Variants in SUGCT observed in about 807,000 individuals in gnomAD.
SUGCT encodes succinyl-CoA:glutarate CoA-transferase.
SUGCT carries 41 observed loss-of-function variants against 55.0 expected under a neutral mutation model. That is an observed-to-expected ratio of 0.74 (90% confidence interval 0.58 to 0.97). The LOEUF is 0.97. Ranked by LOEUF, SUGCT falls within the 50% of genes least tolerant of loss-of-function variation. SUGCT has a pLI of 0.00. For synonymous variants in SUGCT, 187 were observed against 200.4 expected (o/e 0.93, Z 0.56); for missense variants, 568 against 547.8 (o/e 1.04, Z -0.37).
At chr7:41,013,917 C>T in the SUGCT span, among the ~76,000 whole-genome samples, 1 of 152,080 alleles carries the variant, frequency 6.6e-6, no homozygotes, top group South Asian at 2.1e-4. Flanking sequence ...ATTTGGGGAA[C>T]CATAACCCAA....
intron 11 of SUGCT, among the ~76,000 whole-genome samples, chr7:40,459,742 T>C (rs1411066137): frequency 6.6e-6 from 1 of 152,208 alleles, no homozygotes; most frequent in Non-Finnish European, 1.5e-5. Flanking sequence ...AGATGCCACA[T>C]TGAGTTATGG....
chr7:40,866,499 A>G, the SUGCT span, among the ~76,000 whole-genome samples: 8 of 150,260 alleles, frequency 5.3e-5, no homozygotes, highest in Admixed American at 5.3e-4. Flanking sequence ...CCTATCTAGG[A>G]TTGCCTCTTC....
intron 12 of SUGCT, among the ~76,000 whole-genome samples, chr7:40,685,827 C>G (rs1424071819): frequency 6.6e-6 from 1 of 152,118 alleles, no homozygotes; most frequent in African/African-American, 2.4e-5. Flanking sequence ...CCCTTGAGGT[C>G]AGAAGTTTGA....
chr7:40,267,041 A>AAAAAAAAAAAGG (rs1791632492), intron 7 of SUGCT, among the ~76,000 whole-genome samples: 1 of 79,908 alleles, frequency 1.3e-5, no homozygotes, highest in African/African-American at 4.5e-5. Flanking sequence ...AACAAACAAA[A>AAAAAAAAAAAGG]AAAAAAAAGG....
intron 1 of SUGCT, among the ~76,000 whole-genome samples, chr7:40,165,886 G>A (rs1038484858): frequency 2.0e-5 from 3 of 152,146 alleles, no homozygotes; most frequent in Non-Finnish European, 2.9e-5. Context: ...TTGGGAGGCC[G>A]AGGCTGGTGG....
chr7:40,656,334 A>G (rs1801018666), intron 12 of SUGCT, among the ~76,000 whole-genome samples: 1 of 152,070 alleles, frequency 6.6e-6, no homozygotes, highest in Admixed American at 6.5e-5. Context: ...GGATATTCCA[A>G]AGTTTGCCTT....
chr7:40,843,934 C>T (rs1308945745), intron 13 of SUGCT, among the ~76,000 whole-genome samples: 2 of 152,112 alleles, frequency 1.3e-5, no homozygotes, highest in Non-Finnish European at 1.5e-5. Context: ...CCCTTGACCT[C>T]TTTGCAAGAC....
chr7:40,311,067 C>A (rs1795122351), intron 8 of SUGCT, among the ~76,000 whole-genome samples: 1 of 152,106 alleles, frequency 6.6e-6, no homozygotes, highest in Non-Finnish European at 1.5e-5. Context: ...TACTTCTCTC[C>A]CTGATTTCCG....
intron 9 of SUGCT, among the ~76,000 whole-genome samples, chr7:40,378,981 G>A (rs777127514): frequency 3.8e-4 from 58 of 152,110 alleles, no homozygotes; most frequent in Non-Finnish European, 1.6e-4. Flanking sequence ...GATCTTGAGG[G>A]GTGGAAGTTA....
At chr7:40,790,848 A>T (rs906334452) in intron 13 of SUGCT, among the ~76,000 whole-genome samples, 1 of 152,232 alleles carries the variant, frequency 6.6e-6, no homozygotes, top group Non-Finnish European at 1.5e-5. Context: ...GTGCATTTTC[A>T]TCTGTAAGCA....
the SUGCT span, among the ~76,000 whole-genome samples, chr7:40,905,221 C>T: frequency 6.6e-6 from 1 of 152,124 alleles, no homozygotes; most frequent in Admixed American, 6.6e-5. Context: ...GACTTACCTG[C>T]CATTTCCAAG....
At chr7:40,806,762 T>A (rs2128753836) in intron 13 of SUGCT, among the ~76,000 whole-genome samples, 1 of 152,298 alleles carries the variant, frequency 6.6e-6, no homozygotes, top group South Asian at 2.1e-4. Flanking sequence ...TTGGTACAAA[T>A]GCTGGGATCG....
intron 12 of SUGCT, among the ~76,000 whole-genome samples, chr7:40,625,236 A>T (rs1799472164): frequency 6.6e-6 from 1 of 152,046 alleles, no homozygotes; most frequent in African/African-American, 2.4e-5. Context: ...GCTGACCTAG[A>T]CGTGGAACTC....
Position 40,229,768 on chromosome 7 carries a change from C to T in SUGCT, c.485-7867C>T, listed in dbSNP as rs115433493. On this transcript the variant is annotated intron_variant, in intron 6 of 13. Coordinates refer to ENST00000335693, the MANE Select transcript of SUGCT (RefSeq NM_001193313.2). Reference sequence around the variant, plus strand: ...GTTGGAAGCTGCAGTGAGCCGAGATCGTGCAACTGCACTCCAGCCTGGTCA... The same window carrying T: ...GTTGGAAGCTGCAGTGAGCCGAGATTGTGCAACTGCACTCCAGCCTGGTCA... Among the ~76,000 whole-genome samples the T allele has an allele frequency of 4.9e-3, 719 of 145,698 alleles. 5 individuals carry two copies. The highest frequency in any genetic ancestry group is 0.018 in the African/African-American group (682 of 38,710).
intron 7 of SUGCT, among the ~76,000 whole-genome samples, chr7:40,268,932 C>T (rs1272687821): frequency 6.6e-6 from 1 of 152,110 alleles, no homozygotes; most frequent in East Asian, 1.9e-4. Context: ...CCAATGTGCC[C>T]AGCCCATGCT....
chr7:40,808,434 C>G (rs1016124322), intron 13 of SUGCT: 1 of 152,312 alleles, frequency 6.6e-6, no homozygotes, highest in Non-Finnish European at 1.5e-5. Flanking sequence ...TGCTTGGGCA[C>G]TGTCTCCTCC....
chr7:40,182,271 T>C (rs1468358681), intron 3 of SUGCT, among the ~76,000 whole-genome samples: 1 of 152,158 alleles, frequency 6.6e-6, no homozygotes, highest in Non-Finnish European at 1.5e-5. Flanking sequence ...CTGAAGGCTT[T>C]TGTTAGAAGC....
intron 12 of SUGCT, among the ~76,000 whole-genome samples, chr7:40,543,359 C>G (rs1321165792): frequency 6.6e-6 from 1 of 152,114 alleles, no homozygotes; most frequent in African/African-American, 2.4e-5. Flanking sequence ...ATAACAAGTA[C>G]AAAATTTTCA....
chr7:40,565,132 C>T (rs1204475798), intron 12 of SUGCT, among the ~76,000 whole-genome samples: 1 of 152,180 alleles, frequency 6.6e-6, no homozygotes, highest in Non-Finnish European at 1.5e-5. Context: ...GAAAAATAGG[C>T]AGAATTCAGC....
Sources: allele counts gnomAD v4.1 joint callset (sites outside exome capture counted in the v4.1 genomes callset), GRCh38; gene constraint gnomAD v4.1.1; transcripts MANE v1.5; gene names NCBI Gene and HGNC (gene_info 2026-07-23, HGNC 2026-07-21).